The following PMEPA1 variants were observed in gnomAD, a reference collection of about 807,000 sequenced individuals.
PMEPA1 encodes the protein prostate transmembrane protein, androgen induced 1.
In PMEPA1, 11 loss-of-function variants were observed where a neutral mutation model predicts 23.0. The ratio of observed to expected loss-of-function variants is 0.48; its 90% confidence interval spans 0.30 to 0.79. PMEPA1 has a LOEUF of 0.79. PMEPA1 is among the 30% of genes least tolerant of loss of function. The probability of loss-of-function intolerance (pLI) is 0.06; values close to 1 mark genes in which losing one functional copy is unlikely to be tolerated. For synonymous variants in PMEPA1, 204 were observed against 166.4 expected, an observed-to-expected ratio of 1.23 and a Z score of -1.74; for missense variants, 377 against 390.9, an observed-to-expected ratio of 0.96 and a Z score of 0.30.
At position 57,652,312 on chromosome 20, in the gene PMEPA1, A is replaced by T; in HGVS notation, c.605T>A (p.Leu202Gln). ...ACTGCTGGGGGGGCAGGGGCCGCCC[A>T]GCCTGGCACTATCCATCAGGTCACT... Reference protein sequence around the residue: ...FDSDLMDSARLGGPCPPSSNS... With the variant: ...FDSDLMDSARQGGPCPPSSNS... Residue 202 changes from leucine to glutamine, a missense_variant, in exon 4 of 4, where the codon CTG becomes CAG. Physicochemically the swap from Leu to Gln is moderately radical, Grantham distance 113 (BLOSUM62 -2). Around this residue, in one of 3 missense-constraint regions of PMEPA1, gnomAD observed 176 missense variants for 173.0 expected, o/e 1.02. Transcript: ENST00000341744. This position sits in a 1 kb window ranked among gnomAD's most constrained non-coding sequence, Gnocchi z 6.1. 2.5e-6 allele frequency: 4 copies of T among 1,611,556 alleles called. No homozygotes were observed. The highest frequency in any genetic ancestry group is 3.4e-6 in the Non-Finnish European group (4 of 1,179,780).
At chr20:57,678,286 G>A (rs2071666157) in intron 1 of PMEPA1, among the ~76,000 whole-genome samples, 1 of 152,248 alleles carries the variant, frequency 6.6e-6, no homozygotes, top group Non-Finnish European at 1.5e-5. Flanking sequence ...ACCATTGGGG[G>A]AAGCTGGAGG....
At chr20:57,672,579 G>C (rs1235537092) in intron 1 of PMEPA1, among the ~76,000 whole-genome samples, 4 of 152,244 alleles carry the variant, frequency 2.6e-5, no homozygotes, top group Admixed American at 6.5e-5. Context: ...GTCTGGAGGG[G>C]TCTCGCCGCT....
At chr20:57,667,312 C>T (rs1390707361) in intron 1 of PMEPA1, among the ~76,000 whole-genome samples, 7 of 152,296 alleles carry the variant, frequency 4.6e-5, no homozygotes, top group African/African-American at 9.6e-5. Flanking sequence ...CCTGTTGGGA[C>T]GTTTCATGGC....
chr20:57,680,069 T>A (rs2071691991), intron 1 of PMEPA1, among the ~76,000 whole-genome samples: 1 of 152,162 alleles, frequency 6.6e-6, no homozygotes, highest in African/African-American at 2.4e-5. Flanking sequence ...GCTTGTGGCA[T>A]GGAGTCTGGC....
rs560438945 is a variant in PMEPA1 at position 57,682,435 on chromosome 20, T to C, written c.110-22738A>G. 5.9e-5 allele frequency among the ~76,000 whole-genome samples: 9 copies of C among 152,244 alleles called. No individual in the cohort carries two copies. The South Asian group carries it at 1.9e-3, about 32-fold the overall frequency. On this transcript the variant is annotated intron_variant, in intron 1 of 3. Transcript: ENST00000341744. The surrounding 1 kb of genome is among the most constrained non-coding windows in gnomAD (Gnocchi z 4.4). Reference sequence around the variant, plus strand: ...ACCTAAGCACAAAGTCACTGGTAACTAGGGGCCCAGGTTCTGGGTCTCCCT... The same window carrying C: ...ACCTAAGCACAAAGTCACTGGTAACCAGGGGCCCAGGTTCTGGGTCTCCCT...
At chr20:57,660,184 CCT>C (rs1457490880) in intron 1 of PMEPA1, among the ~76,000 whole-genome samples, 2 of 152,060 alleles carry the variant, frequency 1.3e-5, no homozygotes, top group Non-Finnish European at 1.5e-5. Context: ...GAAGGGGACC[CCT>C]GAGTGCGGAG....
rs150372267 is a variant in PMEPA1, at chr20:57,657,805, C to T, written c.264+1738G>A. 2.3e-3 allele frequency among the ~76,000 whole-genome samples: 350 copies of T among 152,332 alleles called. 1 individual carries two copies. The highest frequency in any genetic ancestry group is 5.6e-3 in the Admixed American group (86 of 15,310). ...TCAGCCCAGGGACTCTGGGCGCCAC[C>T]ACCAACCCCAGGCGTCCCCAGAAGT... On this transcript the variant is annotated intron_variant, in intron 2 of 3. Coordinates refer to ENST00000341744, the MANE Select transcript of PMEPA1 (RefSeq NM_020182.5).
rs1555882172 is a variant in PMEPA1 at position 57,683,556 on chromosome 20, T to TGTGTGTGC, written c.110-23860_110-23859insGCACACAC. Among the ~76,000 whole-genome samples the TGTGTGTGC allele has an allele frequency of 5.2e-3, 587 of 111,922 alleles. 2 individuals carry two copies. Among genetic ancestry groups the TGTGTGTGC allele is most frequent in the Non-Finnish European group, 7.9e-3 (394 of 49,742 alleles). 73.4% of individuals were successfully genotyped at this position (111,922 alleles called of 152,430 possible). A position where few individuals can be genotyped will look rare whatever the true frequency, so the allele number is the denominator to read the frequency against. On this transcript the variant is annotated intron_variant, in intron 1 of 3. Coordinates refer to ENST00000341744, the MANE Select transcript of PMEPA1 (RefSeq NM_020182.5). The surrounding 1 kb of genome is among the most constrained non-coding windows in gnomAD (Gnocchi z 4.3). ...GTGGTGGTGTTCTGGCCTGTGTGCG[T>TGTGTGTGC]GTGTGTGTGTGTGTGTGTGTGTGTG...
intron 2 of PMEPA1, among the ~76,000 whole-genome samples, chr20:57,654,312 C>T (rs887257220): frequency 6.6e-6 from 1 of 152,168 alleles, no homozygotes; most frequent in Non-Finnish European, 1.5e-5. Flanking sequence ...TACCAAGAAC[C>T]TCTCACCACA....
At chr20:57,671,090 A>G (rs1481972547) in intron 1 of PMEPA1, among the ~76,000 whole-genome samples, 1 of 152,248 alleles carries the variant, frequency 6.6e-6, no homozygotes, top group Admixed American at 6.5e-5. Flanking sequence ...GAGAAAAGAC[A>G]AAGCTGTGCC....
intron 1 of PMEPA1, among the ~76,000 whole-genome samples, chr20:57,702,021 T>TG (rs1162082189): frequency 6.6e-6 from 1 of 152,168 alleles, no homozygotes; most frequent in Non-Finnish European, 1.5e-5. Flanking sequence ...GACACCAGGC[T>TG]GGGGGTCTCC....
intron 1 of PMEPA1, among the ~76,000 whole-genome samples, chr20:57,681,944 C>T (rs1287304461): frequency 6.6e-6 from 1 of 152,120 alleles, no homozygotes. Context: ...GCTGAGAGAC[C>T]CTCTCAGACC....
rs1268695782 is a variant in PMEPA1, at chr20:57,683,467, T to G, written c.110-23770A>C. On this transcript the variant is annotated intron_variant, in intron 1 of 3. Coordinates refer to ENST00000341744, the MANE Select transcript of PMEPA1 (RefSeq NM_020182.5). The surrounding 1 kb of genome is among the most constrained non-coding windows in gnomAD (Gnocchi z 4.3). ...GCCCATCCTTCAGGAACATTCCTGCTTGGGAGCTTCCTGGAGCGAGCAGCC... is the reference window on the plus strand; with the variant it reads ...GCCCATCCTTCAGGAACATTCCTGCGTGGGAGCTTCCTGGAGCGAGCAGCC... 2.6e-5 allele frequency among the ~76,000 whole-genome samples: 4 copies of G among 152,028 alleles called. No individual in the cohort carries two copies. The highest frequency in any genetic ancestry group is 5.9e-5 in the Non-Finnish European group (4 of 68,008).
At chr20:57,657,209 G>A (rs972703788) in intron 2 of PMEPA1, among the ~76,000 whole-genome samples, 9 of 152,176 alleles carry the variant, frequency 5.9e-5, no homozygotes, top group Non-Finnish European at 1.2e-4. Context: ...GGCCGCACAG[G>A]CCTAGCTTCA....
chr20:57,651,876 T>C lies in PMEPA1; in HGVS notation c.*177A>G. On this transcript the variant is annotated 3_prime_UTR_variant, in exon 4 of 4. Transcript: ENST00000341744. ...TTTCTTTTTTTTTTTGCAAGCTCTC[T>C]TAGCTTGTGCATTCAGACCAGACAT... 2.4e-6 allele frequency: 1 copy of C among 416,936 alleles called. No homozygotes were observed. Among genetic ancestry groups the C allele is most frequent in the Non-Finnish European group, 4.2e-6 (1 of 240,718 alleles). The allele number at this position is 416,936 out of a possible 1,614,324, so 25.8% of individuals were successfully genotyped here. A position where few individuals can be genotyped will look rare whatever the true frequency, so the allele number is the denominator to read the frequency against.
At chr20:57,678,779 C>G (rs1207239332) in intron 1 of PMEPA1, among the ~76,000 whole-genome samples, 1 of 152,216 alleles carries the variant, frequency 6.6e-6, no homozygotes, top group Non-Finnish European at 1.5e-5. Flanking sequence ...AGCATGGAAC[C>G]TCCAACCTCT....
chr20:57,648,555 C>T lies in PMEPA1; in HGVS notation c.*3498G>A, dbSNP rs2071176967. The T allele has an allele frequency of 6.6e-6, 1 of 152,634 alleles. No homozygotes were observed. The highest frequency in any genetic ancestry group is 6.5e-5 in the Admixed American group (1 of 15,286). 9.5% of individuals were successfully genotyped at this position (152,634 alleles called of 1,614,324 possible). ...GCAGCGGGGACGTGGGTGCGCGCCC[C>T]GCATGCCACGGAAAGCTTACATAAG... On this transcript the variant is annotated 3_prime_UTR_variant, in exon 4 of 4. Coordinates refer to ENST00000341744, the MANE Select transcript of PMEPA1 (RefSeq NM_020182.5).
Position 57,709,529 on chromosome 20 carries a change from G to T in PMEPA1, c.54C>A (p.Pro18=). 1 of 1,133,502 alleles carries T rather than the reference G, an allele frequency of 8.8e-7. No homozygotes were observed. The highest frequency in any genetic ancestry group is 6.3e-5 in the East Asian group (1 of 15,860). The allele number at this position is 1,133,502 out of a possible 1,614,324, so 70.2% of individuals were successfully genotyped here. Residue 18 remains proline (P), a synonymous_variant, in exon 1 of 4, where the codon CCC becomes CCA. Coordinates refer to ENST00000341744, the MANE Select transcript of PMEPA1 (RefSeq NM_020182.5). The stretch of plus-strand genomic sequence containing the variant: ...TGCAGTTGCACGTGCAGGAGACATT[G>T]GGCTGCCCGGCGGCGGCGGCGGCGG... The part of the protein sequence containing the change: ...NSTAAAAAGQ[P]NVSCTCNCKR...
In PMEPA1 at chr20:57,709,779, G is replaced by T; in HGVS notation, c.-197C>A. 1.0e-6 allele frequency: 1 copy of T among 980,838 alleles called. No homozygotes were observed. The highest frequency in any genetic ancestry group is 1.2e-6 in the Non-Finnish European group (1 of 827,650). 60.8% of individuals were successfully genotyped at this position (980,838 alleles called of 1,614,324 possible). On this transcript the variant is annotated 5_prime_UTR_variant, in exon 1 of 4. Transcript: ENST00000341744. ...AGTGCGCGGGACCGCGCTCCGCTGCGCCCCCCCGGCCTCCCCTCGGCAGCC... is the reference window on the plus strand; with the variant it reads ...AGTGCGCGGGACCGCGCTCCGCTGCTCCCCCCCGGCCTCCCCTCGGCAGCC...
Sources: gnomAD v4.1 joint callset for allele counts (sites outside exome capture counted in the v4.1 genomes callset) on GRCh38, gnomAD v4.1.1 for gene constraint, gnomAD v4.1.1 regional missense constraint, Gnocchi (gnomAD v3.1) non-coding constraint, MANE v1.5 for transcripts, NCBI Gene and HGNC (gene_info 2026-07-23, HGNC 2026-07-21) for gene names.